DEPTOR: variants seen among roughly 807,000 people sequenced by gnomAD.
DEPTOR encodes the protein DEP domain-containing mTOR-interacting protein.
DEPTOR carries 41 observed loss-of-function variants against 41.6 expected under a neutral mutation model. The ratio of observed to expected loss-of-function variants is 0.98; its 90% CI spans 0.77 to 1.28. The LOEUF (loss-of-function observed/expected upper bound fraction) is 1.28, where lower values mean the gene tolerates loss of function less well. Among genes scored for constraint, DEPTOR ranks in the 50% most tolerant of loss-of-function variants. DEPTOR has a pLI of 0.00. For synonymous variants in DEPTOR, 195 were observed against 192.3 expected (o/e 1.01, Z -0.12); for missense variants, 514 against 527.9 (o/e 0.97, Z 0.26).
In DEPTOR at chr8:119,959,453, G is replaced by A. The variant is rs61571810; in HGVS notation, c.426-5779G>A. Among the ~76,000 whole-genome samples the A allele has an allele frequency of 3.8e-3, 571 of 151,872 alleles. 2 individuals carry two copies. Among genetic ancestry groups the A allele is most frequent in the African/African-American group, 0.011 (471 of 41,418 alleles). ...TGGGATTACAGGCATGAGCCACTGC[G>A]CCCGGCCACCTGTTGGCTATTTCTA... On this transcript the variant is annotated intron_variant, in intron 3 of 8. Transcript: ENST00000286234.
chr8:119,879,709 TTAAA>T (rs1320367247), intron 1 of DEPTOR, among the ~76,000 whole-genome samples: 1 of 149,688 alleles, frequency 6.7e-6, no homozygotes, highest in Admixed American at 6.7e-5. Context: ...AGATTCTGTC[TTAAA>T]TAAATAAATA....
intron 1 of DEPTOR, among the ~76,000 whole-genome samples, chr8:119,922,612 A>G (rs1394456594): frequency 6.6e-6 from 1 of 152,158 alleles, no homozygotes; most frequent in East Asian, 1.9e-4. Flanking sequence ...CTACATAGGT[A>G]TCATTTGTGG....
chr8:119,961,245 C>T lies in DEPTOR; in HGVS notation c.426-3987C>T, dbSNP rs115234377. 3.6e-3 allele frequency among the ~76,000 whole-genome samples: 551 copies of T among 151,766 alleles called. 3 individuals are homozygous for T. Among genetic ancestry groups the T allele is most frequent in the African/African-American group, 0.01 (416 of 41,384 alleles). On this transcript the variant is annotated intron_variant, in intron 3 of 8. Transcript: ENST00000286234. Reference sequence around the variant, plus strand: ...CAGCCTGATGAGCATGGAGAAACCCCGTCTCTATGAAAAACACAAAATTAG... The same window carrying T: ...CAGCCTGATGAGCATGGAGAAACCCTGTCTCTATGAAAAACACAAAATTAG...
intron 4 of DEPTOR, among the ~76,000 whole-genome samples, chr8:119,970,011 A>G (rs1828612870): frequency 6.6e-6 from 1 of 152,210 alleles, no homozygotes; most frequent in South Asian, 2.1e-4. Context: ...CTTACCTGTG[A>G]AATCCTAACT....
intron 8 of DEPTOR, among the ~76,000 whole-genome samples, chr8:120,013,990 A>G (rs564392964): frequency 1.5e-3 from 225 of 152,064 alleles, no homozygotes; most frequent in African/African-American, 5.2e-3. Flanking sequence ...CAGGCGTGCC[A>G]CTATGCCCAG....
intron 3 of DEPTOR, among the ~76,000 whole-genome samples, chr8:119,957,684 G>A (rs1828436676): frequency 6.6e-6 from 1 of 151,838 alleles, no homozygotes. Flanking sequence ...CGCCTCCTGG[G>A]TTCAAGCGAT....
At chr8:120,033,046 T>C (rs1228329672) in intron 8 of DEPTOR, among the ~76,000 whole-genome samples, 1 of 151,034 alleles carries the variant, frequency 6.6e-6, no homozygotes, top group Non-Finnish European at 1.5e-5. Flanking sequence ...TTTTGGTGAG[T>C]ATCATACCTA....
At chr8:120,013,146 G>A (rs1812557854) in intron 8 of DEPTOR, among the ~76,000 whole-genome samples, 1 of 133,374 alleles carries the variant, frequency 7.5e-6, no homozygotes, top group South Asian at 2.7e-4. Context: ...GACAGAGCGA[G>A]ACTGTCTCAA....
At chr8:119,880,717 T>C (rs543603895) in intron 1 of DEPTOR, among the ~76,000 whole-genome samples, 74 of 152,340 alleles carry the variant, frequency 4.9e-4, no homozygotes, top group Admixed American at 9.1e-4. Flanking sequence ...TCAATCTTTC[T>C]GACATGTGGT....
At chr8:120,044,299 G>A (rs542938263) in intron 8 of DEPTOR, among the ~76,000 whole-genome samples, 73 of 152,016 alleles carry the variant, frequency 4.8e-4, no homozygotes, top group African/African-American at 1.4e-3. Flanking sequence ...CTAATGTTTC[G>A]TATTTAATAG....
intron 1 of DEPTOR, among the ~76,000 whole-genome samples, chr8:119,899,736 G>T (rs2129743684): frequency 6.6e-6 from 1 of 152,326 alleles, no homozygotes; most frequent in Admixed American, 6.5e-5. Context: ...TCATGTAGAA[G>T]TTCTTAAATG....
At chr8:119,977,638 G>A (rs1413605035) in intron 4 of DEPTOR, among the ~76,000 whole-genome samples, 1 of 152,184 alleles carries the variant, frequency 6.6e-6, no homozygotes, top group African/African-American at 2.4e-5. Flanking sequence ...AAAGGAACAG[G>A]TTGCTTGATA....
At chr8:119,934,398 A>G (rs1828083740) in intron 3 of DEPTOR, among the ~76,000 whole-genome samples, 1 of 152,202 alleles carries the variant, frequency 6.6e-6, no homozygotes, top group Non-Finnish European at 1.5e-5. Flanking sequence ...AAAGCTTTAG[A>G]GGAACTGGAG....
At chr8:120,025,857 CAT>C (rs1812788602) in intron 8 of DEPTOR, among the ~76,000 whole-genome samples, 1 of 151,980 alleles carries the variant, frequency 6.6e-6, no homozygotes, top group Non-Finnish European at 1.5e-5. Context: ...TGAGATCCAT[CAT>C]TGGTTTCCCA....
intron 8 of DEPTOR, among the ~76,000 whole-genome samples, chr8:120,046,047 C>T (rs535230669): frequency 6.6e-6 from 1 of 152,204 alleles, no homozygotes; most frequent in South Asian, 2.1e-4. Context: ...GCACAGGACC[C>T]CATCTTGAAC....
intron 4 of DEPTOR, among the ~76,000 whole-genome samples, chr8:119,980,867 C>T (rs778145596): frequency 2.2e-4 from 33 of 152,196 alleles, no homozygotes; most frequent in South Asian, 1.7e-3. Flanking sequence ...TCCTCTATGT[C>T]TGAGATTTCT....
chr8:119,934,243 C>T lies in DEPTOR; in HGVS notation c.425+4305C>T, dbSNP rs1468620017. ...CAGTCTGCTCGTTGGTAGGATAAAC[C>T]CAGGTCTCAAAACTACAATTTCAGT... is the stretch of plus-strand genomic sequence containing the variant. On this transcript the variant is annotated intron_variant, in intron 3 of 8. Transcript: ENST00000286234. Among the ~76,000 whole-genome samples the T allele has an allele frequency of 3.3e-5, 5 of 152,242 alleles. No homozygotes were observed. The East Asian group carries it at 5.8e-4, about 18-fold the overall frequency.
intron 8 of DEPTOR, among the ~76,000 whole-genome samples, chr8:120,041,579 C>A (rs1156736962): frequency 6.6e-6 from 1 of 152,018 alleles, no homozygotes; most frequent in Non-Finnish European, 1.5e-5. Context: ...ACTCTGTTAC[C>A]CAGGCTGGAG....
At chr8:119,901,711 A>C (rs1379777678) in intron 1 of DEPTOR, among the ~76,000 whole-genome samples, 1 of 151,582 alleles carries the variant, frequency 6.6e-6, no homozygotes, top group East Asian at 1.9e-4. Flanking sequence ...AAGATGTGAT[A>C]ATTTCACTCT....
Sources: allele counts gnomAD v4.1 joint callset (sites outside exome capture counted in the v4.1 genomes callset), GRCh38; gene constraint gnomAD v4.1.1; transcripts MANE v1.5; gene names NCBI Gene and HGNC (gene_info 2026-07-23, HGNC 2026-07-21).